Variants in GMDS observed in about 807,000 individuals in gnomAD.
GMDS encodes GDP-mannose 4,6-dehydratase, also known as GDP-mannose 4,6 dehydratase.
GMDS carries 20 observed loss-of-function variants against 49.9 expected under a neutral mutation model. The ratio of observed to expected loss-of-function variants is 0.40; its 90% CI spans 0.28 to 0.58. GMDS has a LOEUF of 0.58. GMDS is among the 20% of genes least tolerant of loss of function. The pLI, the probability that GMDS is intolerant of heterozygous loss-of-function variation, is 0.42. For missense variants in GMDS, 362 were observed against 481.4 expected, an observed-to-expected ratio of 0.75 and a Z score of 2.32; for synonymous variants, 177 against 178.6, an observed-to-expected ratio of 0.99 and a Z score of 0.07.
chr6:1,663,233 C>T (rs190967974), intron 9 of GMDS, among the ~76,000 whole-genome samples: 60 of 152,272 alleles, frequency 3.9e-4, no homozygotes, highest in Admixed American at 7.2e-4. Context: ...CTGCACCCTT[C>T]GTTAGGGATG....
Position 2,183,413 on chromosome 6 carries a change from T to C in GMDS, c.103-58682A>G, listed in dbSNP as rs1778643173. 2.0e-5 allele frequency among the ~76,000 whole-genome samples: 3 copies of C among 152,174 alleles called. No homozygotes were observed. In the South Asian group the frequency reaches 6.2e-4, roughly 31 times the overall value. On this transcript the variant is annotated intron_variant, in intron 1 of 10. Transcript: ENST00000380815. ...TGCCATGGAGGAAGAACCACAGAAGTGCAGCCTGAAGATAGGACTGAATTG... is the reference window on the plus strand; with the variant it reads ...TGCCATGGAGGAAGAACCACAGAAGCGCAGCCTGAAGATAGGACTGAATTG...
At chr6:2,072,227 G>T (rs554792024) in intron 4 of GMDS, among the ~76,000 whole-genome samples, 1 of 152,070 alleles carries the variant, frequency 6.6e-6, no homozygotes, top group African/African-American at 2.4e-5. Context: ...AAAAACTTTT[G>T]TTTCTACAAT....
At chr6:1,738,855 T>G (rs1767150968) in intron 8 of GMDS, among the ~76,000 whole-genome samples, 1 of 152,144 alleles carries the variant, frequency 6.6e-6, no homozygotes, top group African/African-American at 2.4e-5. Flanking sequence ...GCTGGACAGC[T>G]CCAACAAGCC....
intron 9 of GMDS, among the ~76,000 whole-genome samples, chr6:1,668,864 C>T (rs1386455313): frequency 1.3e-5 from 2 of 152,186 alleles, no homozygotes; most frequent in Non-Finnish European, 2.9e-5. Context: ...GACAAAGCAA[C>T]ACATCAGGTA....
At chr6:1,899,399 G>A (rs534166185) in intron 7 of GMDS, among the ~76,000 whole-genome samples, 2 of 152,076 alleles carry the variant, frequency 1.3e-5, no homozygotes, top group Admixed American at 6.5e-5. Context: ...GTCCCCACGC[G>A]TCCTGGCTAA....
At chr6:1,959,995 C>A in intron 5 of GMDS, 24 bp from the exon 6 acceptor site, 1 of 1,426,024 alleles carries the variant, frequency 7.0e-7, no homozygotes, top group Non-Finnish European at 9.8e-7. Flanking sequence ...TTTTTTTAAG[C>A]AATGAAGTTT....
chr6:1,908,969 G>C (rs149518292), intron 7 of GMDS, among the ~76,000 whole-genome samples: 1 of 152,192 alleles, frequency 6.6e-6, no homozygotes, highest in East Asian at 1.9e-4. Flanking sequence ...TAACCAACCA[G>C]TTCAGACAAA....
At chr6:2,046,111 G>A (rs548926336) in intron 4 of GMDS, among the ~76,000 whole-genome samples, 53 of 152,278 alleles carry the variant, frequency 3.5e-4, no homozygotes, top group Non-Finnish European at 6.9e-4. Flanking sequence ...TACTCAGGAG[G>A]CTGAGGTGGG....
chr6:1,977,271 C>G (rs1010514105), intron 4 of GMDS, among the ~76,000 whole-genome samples: 2 of 152,188 alleles, frequency 1.3e-5, no homozygotes, highest in African/African-American at 2.4e-5. Flanking sequence ...TGACAATTAA[C>G]TAAAAATCCA....
intron 4 of GMDS, among the ~76,000 whole-genome samples, chr6:2,102,892 A>T (rs1774007536): frequency 6.6e-6 from 1 of 152,200 alleles, no homozygotes; most frequent in African/African-American, 2.4e-5. Flanking sequence ...TAGACATCAG[A>T]ATTTTCTTTG....
chr6:1,691,043 T>C (rs1765150465), intron 9 of GMDS, among the ~76,000 whole-genome samples: 1 of 152,144 alleles, frequency 6.6e-6, no homozygotes, highest in African/African-American at 2.4e-5. Context: ...CATTCTATTA[T>C]AAAAATATAT....
At chr6:1,858,888 G>A (rs907980249) in intron 7 of GMDS, among the ~76,000 whole-genome samples, 8 of 152,140 alleles carry the variant, frequency 5.3e-5, no homozygotes, top group Admixed American at 2.6e-4. Context: ...GAATTTTAAT[G>A]GTTTAAGGTC....
intron 7 of GMDS, among the ~76,000 whole-genome samples, chr6:1,791,332 A>T (rs1239345262): frequency 6.6e-6 from 1 of 152,202 alleles, no homozygotes; most frequent in Non-Finnish European, 1.5e-5. Flanking sequence ...TACTTCTGAG[A>T]TCACACTACC....
Position 1,930,096 on chromosome 6 carries a change from T to C in GMDS, c.771+7A>G. ...TATTTTCAAGAATGTAATGTGTCAG[T>C]TCCTACCTCCACATAGTCCTTGGCA... On this transcript the variant is annotated splice_region_variant and intron_variant, in intron 7 of 10. Transcript: ENST00000380815. The C allele has an allele frequency of 1.2e-6, 2 of 1,607,550 alleles. No individual in the cohort carries two copies. The highest frequency in any genetic ancestry group is 1.7e-6 in the Non-Finnish European group (2 of 1,176,312).
At chr6:1,920,856 GA>G (rs1423143769) in intron 7 of GMDS, among the ~76,000 whole-genome samples, 3 of 152,260 alleles carry the variant, frequency 2.0e-5, no homozygotes, top group East Asian at 3.9e-4. Context: ...GTGTGAAAGT[GA>G]ATAGCTAACC....
intron 7 of GMDS, among the ~76,000 whole-genome samples, chr6:1,907,815 C>G (rs1472457206): frequency 6.6e-6 from 1 of 152,124 alleles, no homozygotes; most frequent in Non-Finnish European, 1.5e-5. Context: ...CAATAACTGG[C>G]CAATAAATGA....
chr6:1,624,371 G>T (rs1762779253), intron 10 of GMDS, 101 bp downstream of exon 10: 1 of 1,322,358 alleles, frequency 7.6e-7, no homozygotes. Context: ...CGCCTTCCGG[G>T]CTTTGGGCAT....
chr6:2,024,799 T>A (rs1329168718), intron 4 of GMDS, among the ~76,000 whole-genome samples: 3 of 151,746 alleles, frequency 2.0e-5, no homozygotes, highest in African/African-American at 7.3e-5. Flanking sequence ...TTATTACCTA[T>A]AAAAGGGAAA....
At chr6:1,811,344 C>G (rs994586694) in intron 7 of GMDS, among the ~76,000 whole-genome samples, 40 of 152,110 alleles carry the variant, frequency 2.6e-4, no homozygotes, top group African/African-American at 9.7e-4. Flanking sequence ...GACATTTGGA[C>G]AAACAAGTCA....
Sources: allele counts gnomAD v4.1 joint callset (sites outside exome capture counted in the v4.1 genomes callset), GRCh38; gene constraint gnomAD v4.1.1; transcripts MANE v1.5; gene names NCBI Gene and HGNC (gene_info 2026-07-23, HGNC 2026-07-21).